KIF13A: variants seen among roughly 807,000 people sequenced by gnomAD.
The protein encoded by KIF13A is kinesin-like protein KIF13A.
Under a neutral mutation model 212.2 loss-of-function variants are expected in KIF13A, and 79 were observed. The observed-to-expected ratio is 0.37, with a 90% CI of 0.31 to 0.45. The LOEUF (loss-of-function observed/expected upper bound fraction) is 0.45. Ranked by LOEUF, KIF13A falls within the 20% of genes least tolerant of loss-of-function variation. KIF13A has a pLI of 1.00. For synonymous variants in KIF13A, 789 were observed against 808.6 expected (o/e 0.98, Z 0.41); for missense variants, 1,901 against 2,209.0 (o/e 0.86, Z 2.79).
intron 4 of KIF13A, among the ~76,000 whole-genome samples, chr6:17,865,460 G>T (rs1769268128): frequency 6.6e-6 from 1 of 152,176 alleles, no homozygotes; most frequent in Non-Finnish European, 1.5e-5. Context: ...GACTTGGCAG[G>T]TGGCCCAGCT....
At chr6:17,942,687 A>G (rs148223572) in intron 2 of KIF13A, among the ~76,000 whole-genome samples, 1 of 152,268 alleles carries the variant, frequency 6.6e-6, no homozygotes, top group African/African-American at 2.4e-5. Flanking sequence ...GAGTTTAAAG[A>G]GTAGATTAGG....
intron 2 of KIF13A, among the ~76,000 whole-genome samples, chr6:17,933,879 G>A (rs2876471): frequency 0.17 from 25,852 of 151,992 alleles, 2,433 homozygotes; most frequent in Middle Eastern, 0.26. Flanking sequence ...CTGGCACAGT[G>A]GCTTAATAAT....
chr6:17,859,707 C>T (rs1453949750), intron 4 of KIF13A, among the ~76,000 whole-genome samples: 1 of 148,212 alleles, frequency 6.7e-6, no homozygotes, highest in Non-Finnish European at 1.5e-5. Flanking sequence ...GCGATCTCGG[C>T]TCACTGCAAC....
intron 32 of KIF13A, 71 bp from the exon 33 acceptor site, chr6:17,779,170 A>G: frequency 7.4e-7 from 1 of 1,347,024 alleles, no homozygotes; most frequent in Non-Finnish European, 1.0e-6. Context: ...TGGTGAGAAA[A>G]CGTTTTAGAA....
At chr6:17,950,272 T>C in intron 2 of KIF13A, 3 of 353,800 alleles carry the variant, frequency 8.5e-6, no homozygotes, top group Non-Finnish European at 1.2e-5. Context: ...TCCTCATATA[T>C]AAGTAAAAGA....
intron 4 of KIF13A, among the ~76,000 whole-genome samples, chr6:17,857,333 G>A (rs1014825152): frequency 3.3e-5 from 5 of 152,178 alleles, no homozygotes; most frequent in African/African-American, 9.6e-5. Flanking sequence ...GTTGGGAGAC[G>A]ATTGGATCAT....
chr6:17,805,364 C>A (rs1762848588), intron 19 of KIF13A, 111 bp downstream of exon 19: 1 of 800,964 alleles, frequency 1.2e-6, no homozygotes, highest in Non-Finnish European at 1.9e-6. Flanking sequence ...ATCATGAGCA[C>A]ATCTCCGTGT....
intron 4 of KIF13A, among the ~76,000 whole-genome samples, chr6:17,867,563 A>C (rs1769527921): frequency 6.6e-6 from 1 of 152,192 alleles, no homozygotes; most frequent in African/African-American, 2.4e-5. Context: ...GATTTATAAT[A>C]AGGAGGTGCT....
At chr6:17,986,256 A>G (rs1781542497) in intron 2 of KIF13A, among the ~76,000 whole-genome samples, 2 of 152,362 alleles carry the variant, frequency 1.3e-5, no homozygotes, top group Admixed American at 1.3e-4. Context: ...AATGAATTCC[A>G]ACCGATTTCT....
Position 17,769,517 on chromosome 6 carries a change from G to A in KIF13A, c.4581+1597C>T, listed in dbSNP as rs1423515297. 2.6e-5 allele frequency among the ~76,000 whole-genome samples: 4 copies of A among 152,248 alleles called. No homozygotes were observed. Among genetic ancestry groups the A allele is most frequent in the South Asian group, 4.1e-4 (2 of 4,822 alleles). On this transcript the variant is annotated intron_variant, in intron 38 of 38. Coordinates refer to ENST00000259711, the MANE Select transcript of KIF13A (RefSeq NM_022113.6). This position sits in a 1 kb window ranked among gnomAD's most constrained non-coding sequence, Gnocchi z 5.8. ...CTTCTCTCTGCTAGCTGAAAGCCCC[G>A]AGATGGGTTTTATTTTAAAATATTA... is the stretch of plus-strand genomic sequence containing the variant.
At chr6:17,909,471 G>C (rs189242129) in intron 2 of KIF13A, among the ~76,000 whole-genome samples, 24 of 149,108 alleles carry the variant, frequency 1.6e-4, no homozygotes, top group African/African-American at 4.7e-4. Flanking sequence ...GGAGGCGGAG[G>C]TTGCAGTGAG....
intron 4 of KIF13A, 30 bp downstream of exon 4, chr6:17,873,347 A>C: frequency 6.7e-7 from 1 of 1,502,714 alleles, no homozygotes; most frequent in Middle Eastern, 1.7e-4. Context: ...CCAGAAGCCC[A>C]ACTGTCAGGT....
chr6:17,816,991 C>T lies in KIF13A; in HGVS notation c.2000+29G>A, dbSNP rs371224950. The T allele has an allele frequency of 6.3e-7, 1 of 1,580,070 alleles. No homozygotes were observed. Among genetic ancestry groups the T allele is most frequent in the East Asian group, 2.3e-5 (1 of 43,876 alleles). On this transcript the variant is annotated intron_variant, in intron 17 of 38. Transcript: ENST00000259711. The surrounding 1 kb of genome is among the most constrained non-coding windows in gnomAD (Gnocchi z 4.3). ...AAGACCCACGGCCTTGGGGCCTTGA[C>T]TCTGGGCTGCCCCCGCTGCAGTTCT...
rs554038665 is a variant in KIF13A at position 17,783,843 on chromosome 6, G to T, written c.3489-142C>A. 4.9e-5 allele frequency: 32 copies of T among 657,528 alleles called. No individual in the cohort carries two copies. The highest frequency in any genetic ancestry group is 2.8e-4 in the Middle Eastern group (1 of 3,554). The allele number at this position is 657,528 out of a possible 1,614,324, so 40.7% of individuals were successfully genotyped here. On this transcript the variant is annotated intron_variant, in intron 28 of 38. Coordinates refer to ENST00000259711, the MANE Select transcript of KIF13A (RefSeq NM_022113.6). This position sits in a 1 kb window ranked among gnomAD's most constrained non-coding sequence, Gnocchi z 4.3. ...CTAATGAAATACTTTCATATTTCTT[G>T]ACTTCCCTGTAGACATAAATCATGG...
At chr6:17,881,559 C>T (rs529533131) in intron 3 of KIF13A, 16 of 406,672 alleles carry the variant, frequency 3.9e-5, no homozygotes, top group African/African-American at 2.3e-4. Context: ...TAGCTGGGTG[C>T]GGCAGTGCAC....
At chr6:17,965,465 G>C (rs1441576105) in intron 2 of KIF13A, among the ~76,000 whole-genome samples, 1 of 152,142 alleles carries the variant, frequency 6.6e-6, no homozygotes, top group Non-Finnish European at 1.5e-5. Flanking sequence ...TAATTATTGA[G>C]AGAAACTCAG....
At chr6:17,802,844 G>A (rs1420536266) in intron 20 of KIF13A, among the ~76,000 whole-genome samples, 1 of 151,702 alleles carries the variant, frequency 6.6e-6, no homozygotes, top group Non-Finnish European at 1.5e-5. Context: ...CCTGGGCTTT[G>A]GTGATCCTCC....
At chr6:17,964,099 CAG>C (rs1385193713) in intron 2 of KIF13A, among the ~76,000 whole-genome samples, 2 of 152,096 alleles carry the variant, frequency 1.3e-5, no homozygotes, top group African/African-American at 4.8e-5. Flanking sequence ...GTCTGGGTGA[CAG>C]AGTGAGACCC....
chr6:17,825,203 G>A lies in KIF13A; in HGVS notation c.1786+565C>T, dbSNP rs1764859502. Among the ~76,000 whole-genome samples, 2 of 152,260 alleles carry A rather than the reference G, an allele frequency of 1.3e-5. No individual in the cohort carries two copies. The highest frequency in any genetic ancestry group is 2.1e-4 in the South Asian group (1 of 4,830). On this transcript the variant is annotated intron_variant, in intron 16 of 38. Transcript: ENST00000259711. The surrounding 1 kb of genome is among the most constrained non-coding windows in gnomAD (Gnocchi z 4.5). ...ACAGAATAAGAAAGAAAAGGTAAAG[G>A]AACACGGACTTTTAGATGTGAAACT...
Sources: gnomAD v4.1 joint callset for allele counts (sites outside exome capture counted in the v4.1 genomes callset) on GRCh38, gnomAD v4.1.1 for gene constraint, Gnocchi (gnomAD v3.1) non-coding constraint, MANE v1.5 for transcripts, NCBI Gene and HGNC (gene_info 2026-07-23, HGNC 2026-07-21) for gene names.